ABCG1: variants seen among roughly 807,000 people sequenced by gnomAD.
ABCG1 encodes the protein ATP binding cassette subfamily G member 1, also known as ATP-binding cassette sub-family G member 1.
ABCG1 carries 29 observed loss-of-function variants against 69.2 expected under a neutral mutation model. The ratio of observed to expected loss-of-function variants is 0.42; its 90% CI spans 0.31 to 0.57. The LOEUF (loss-of-function observed/expected upper bound fraction) is 0.57. Ranked by LOEUF, ABCG1 falls within the 20% of genes least tolerant of loss-of-function variation. The pLI is 0.15. For synonymous variants in ABCG1, 370 were observed against 374.8 expected (o/e 0.99, Z 0.15); for missense variants, 718 against 898.1 (o/e 0.80, Z 2.56).
At chr21:42,209,048 A>G (rs1476199688) in intron 2 of ABCG1, among the ~76,000 whole-genome samples, 3 of 152,174 alleles carry the variant, frequency 2.0e-5, no homozygotes, top group Non-Finnish European at 2.9e-5. Flanking sequence ...TGGAGTCTGC[A>G]GGCACCAGGA....
chr21:42,279,134 C>G (rs1213313537), intron 5 of ABCG1, among the ~76,000 whole-genome samples: 1 of 152,064 alleles, frequency 6.6e-6, no homozygotes, highest in Admixed American at 6.5e-5. Context: ...AGCCCTCCAT[C>G]GAGGTCCCAA....
Position 42,291,314 on chromosome 21 carries a change from TG to T in ABCG1, c.1494+125del. ...CATGGCCCGACTTCGGGAGCTCTGG[TG>T]GGAGCTGCGGGGAAGGGCCTGACTT... On this transcript the variant is annotated intron_variant, in intron 12 of 14. Transcript: ENST00000398449. This position sits in a 1 kb window ranked among gnomAD's most constrained non-coding sequence, Gnocchi z 6.4. The T allele has an allele frequency of 8.7e-7, 1 of 1,150,962 alleles. No individual in the cohort carries two copies. Among genetic ancestry groups the T allele is most frequent in the Non-Finnish European group, 1.3e-6 (1 of 798,412 alleles). 71.3% of individuals were successfully genotyped at this position (1,150,962 alleles called of 1,614,324 possible).
In ABCG1 at chr21:42,296,086, G is replaced by T. The variant is rs1227451833; in HGVS notation, c.1773-78G>T. The T allele has an allele frequency of 8.0e-7, 1 of 1,255,088 alleles. No individual in the cohort carries two copies. The highest frequency in any genetic ancestry group is 1.2e-6 in the Non-Finnish European group (1 of 858,880). 77.7% of individuals were successfully genotyped at this position (1,255,088 alleles called of 1,614,324 possible). On this transcript the variant is annotated intron_variant, in intron 14 of 14. Coordinates refer to ENST00000398449, the MANE Select transcript of ABCG1 (RefSeq NM_016818.3). The surrounding 1 kb of genome is among the most constrained non-coding windows in gnomAD (Gnocchi z 5.4). Reference sequence around the variant, plus strand: ...AGCCAAGCTGGGAATCGCAGGGAGGGTGAACGACATTGACCTTCAGCCAAC... The same window carrying T: ...AGCCAAGCTGGGAATCGCAGGGAGGTTGAACGACATTGACCTTCAGCCAAC...
chr21:42,250,488 C>T (rs539141866), intron 2 of ABCG1, among the ~76,000 whole-genome samples: 3 of 152,274 alleles, frequency 2.0e-5, no homozygotes, highest in Admixed American at 6.5e-5. Flanking sequence ...GGTGCCCAAA[C>T]GTGGAGGAGC....
At chr21:42,217,679 CTTTTTTTTTT>C (rs71190409), upstream of ABCG1, among the ~76,000 whole-genome samples, 36 of 61,636 alleles carry the variant, frequency 5.8e-4, no homozygotes, top group Admixed American at 1.7e-3. Flanking sequence ...TGGATCTACT[CTTTTTTTTTT>C]TTTTTTTTTT....
upstream of ABCG1, among the ~76,000 whole-genome samples, chr21:42,214,890 G>A (rs773778423): frequency 2.0e-5 from 3 of 152,254 alleles, no homozygotes; most frequent in Non-Finnish European, 2.9e-5. Flanking sequence ...AGTGGGAATG[G>A]TGCAGAGAGG....
chr21:42,215,740 G>T (rs887820741), upstream of ABCG1, among the ~76,000 whole-genome samples: 3 of 152,226 alleles, frequency 2.0e-5, no homozygotes, highest in African/African-American at 7.2e-5. Context: ...GAGAACAAGG[G>T]TCTGGAAAGA....
rs184507798 is a variant in ABCG1, at chr21:42,277,465, G to A, written c.588+520G>A. On this transcript the variant is annotated intron_variant, in intron 5 of 14. Transcript: ENST00000398449. Reference sequence around the variant, plus strand: ...TGATGAAGACTTTCTAATCCCTTTAGCCATTTTTTTTTTGGCTTCCTAAAC... The same window carrying A: ...TGATGAAGACTTTCTAATCCCTTTAACCATTTTTTTTTTGGCTTCCTAAAC... Among the ~76,000 whole-genome samples, 1,235 of 147,382 alleles carry A rather than the reference G, an allele frequency of 8.4e-3. 4 individuals carry two copies. Among genetic ancestry groups the A allele is most frequent in the Non-Finnish European group, 0.013 (903 of 67,592 alleles).
At chr21:42,293,407 G>GCACTACACACATACCA in intron 13 of ABCG1, among the ~76,000 whole-genome samples, 1 of 48,980 alleles carries the variant, frequency 2.0e-5, no homozygotes, top group East Asian at 7.3e-4. Context: ...TACACACCAC[G>GCACTACACACATACCA]CACTACACAC....
rs1216654958 is a variant in ABCG1, at chr21:42,276,269, G to A, written c.538-626G>A. On this transcript the variant is annotated intron_variant, in intron 4 of 14. Transcript: ENST00000398449. The surrounding 1 kb of genome is among the most constrained non-coding windows in gnomAD (Gnocchi z 5.3). Reference sequence around the variant, plus strand: ...AAAAAACACAACAACAACAAAACGCGGCATCCTGACGTGTCGCCCTCGTAA... The same window carrying A: ...AAAAAACACAACAACAACAAAACGCAGCATCCTGACGTGTCGCCCTCGTAA... 1 of 152,256 alleles carries A rather than the reference G, an allele frequency of 6.6e-6. No individual in the cohort carries two copies. The highest frequency in any genetic ancestry group is 1.5e-5 in the Non-Finnish European group (1 of 68,148). The allele number at this position is 152,256 out of a possible 1,614,324, so 9.4% of individuals were successfully genotyped here. A position where few individuals can be genotyped will look rare whatever the true frequency, so the allele number is the denominator to read the frequency against.
intron 2 of ABCG1, among the ~76,000 whole-genome samples, chr21:42,251,604 T>C (rs868779675): frequency 6.6e-6 from 1 of 150,786 alleles, no homozygotes; most frequent in Non-Finnish European, 1.5e-5. Flanking sequence ...TGGGAGACCC[T>C]GACCAGACCA....
At chr21:42,267,424 G>A (rs1323241696) in intron 2 of ABCG1, among the ~76,000 whole-genome samples, 1 of 151,694 alleles carries the variant, frequency 6.6e-6, no homozygotes, top group Non-Finnish European at 1.5e-5. Context: ...TCTGATCTGG[G>A]TTCTGTCTGG....
intron 2 of ABCG1, among the ~76,000 whole-genome samples, chr21:42,205,960 C>T (rs2067539553): frequency 6.6e-6 from 1 of 152,072 alleles, no homozygotes; most frequent in South Asian, 2.1e-4. Context: ...TCCCTCTTTG[C>T]CTCATAAATT....
chr21:42,280,033 G>A (rs1006295877), intron 5 of ABCG1, among the ~76,000 whole-genome samples: 9 of 152,234 alleles, frequency 5.9e-5, no homozygotes, highest in African/African-American at 9.6e-5. Flanking sequence ...CCCTGGCGCC[G>A]TCCTCAGATT....
chr21:42,296,623 G>GT lies in ABCG1; in HGVS notation c.*231_*232insT, dbSNP rs1569245294. On this transcript the variant is annotated 3_prime_UTR_variant, in exon 15 of 15. Transcript: ENST00000398449. This position sits in a 1 kb window ranked among gnomAD's most constrained non-coding sequence, Gnocchi z 5.4. Reference sequence around the variant, plus strand: ...ACTAGGAAGATGTAGGCAGATTGGTGGTTTTTTTTTTTTTAACATACAGAA... The same window carrying GT: ...ACTAGGAAGATGTAGGCAGATTGGTGTGTTTTTTTTTTTTTAACATACAGAA... 15 of 443,918 alleles carry GT rather than the reference G, an allele frequency of 3.4e-5. No individual in the cohort carries two copies. The highest frequency in any genetic ancestry group is 8.2e-5 in the South Asian group (3 of 36,502). 27.5% of individuals were successfully genotyped at this position (443,918 alleles called of 1,614,324 possible).
intron 2 of ABCG1, chr21:42,206,866 G>A (rs1458116915): frequency 6.9e-6 from 1 of 145,098 alleles, no homozygotes; most frequent in Non-Finnish European, 1.5e-5. Context: ...TGATTTCTGG[G>A]TGGCCAGTTT....
At chr21:42,227,227 AC>A (rs2067831116) in intron 2 of ABCG1, among the ~76,000 whole-genome samples, 1 of 152,222 alleles carries the variant, frequency 6.6e-6, no homozygotes, top group Admixed American at 6.5e-5. Flanking sequence ...TTCAGAGCAT[AC>A]CAGCCTGTTC....
At chr21:42,212,060 C>A (rs1342050874), upstream of ABCG1, among the ~76,000 whole-genome samples, 1 of 152,164 alleles carries the variant, frequency 6.6e-6, no homozygotes, top group East Asian at 1.9e-4. Flanking sequence ...AGAAGGCACA[C>A]CTATGAGGAA....
At chr21:42,261,175 G>A (rs2068404883) in intron 2 of ABCG1, among the ~76,000 whole-genome samples, 1 of 151,918 alleles carries the variant, frequency 6.6e-6, no homozygotes, top group African/African-American at 2.4e-5. Context: ...GGTGGGGGCG[G>A]GTGCTCTTGT....
Sources: gnomAD v4.1 joint callset for allele counts (sites outside exome capture counted in the v4.1 genomes callset) on GRCh38, gnomAD v4.1.1 for gene constraint, Gnocchi (gnomAD v3.1) non-coding constraint, MANE v1.5 for transcripts, NCBI Gene and HGNC (gene_info 2026-07-23, HGNC 2026-07-21) for gene names.